MYO9A: variants seen among roughly 807,000 people sequenced by gnomAD.
MYO9A encodes the protein unconventional myosin-IXa.
Under a neutral mutation model 293.3 loss-of-function variants are expected in MYO9A, and 103 were observed. The observed-to-expected ratio is 0.35, with a 90% confidence interval of 0.30 to 0.41. MYO9A has a LOEUF of 0.41. Ranked by LOEUF, MYO9A falls within the 10% of genes least tolerant of loss-of-function variation. The probability of loss-of-function intolerance (pLI) is 1.00; values close to 1 mark genes in which losing one functional copy is unlikely to be tolerated. For missense variants in MYO9A, 2,685 were observed against 3,033.0 expected, an observed-to-expected ratio of 0.89 and a Z score of 2.69; for synonymous variants, 1,001 against 1,035.7, an observed-to-expected ratio of 0.97 and a Z score of 0.64.
At position 72,010,436 on chromosome 15, in the gene MYO9A, C is replaced by T. The variant is rs1286402096; in HGVS notation, c.1167G>A (p.Thr389=). 7.4e-6 allele frequency: 12 copies of T among 1,612,342 alleles called. No homozygotes were observed. The highest frequency in any genetic ancestry group is 6.7e-5 in the Admixed American group (4 of 59,958). The change falls in exon 7 of 42, where the codon ACG becomes ACA. Residue 389 remains threonine (T), a synonymous_variant. Transcript: ENST00000356056. ...YCYDSEPDCF[T]VEGEDLRHDF... ...CATGTCTCAAATCTTCTCCTTCCAC[C>T]GTGAAGCAATCCTGCTTATTTAAAA... is the stretch of plus-strand genomic sequence containing the variant.
chr15:72,007,698 TA>T, intron 8 of MYO9A, 127 bp downstream of exon 8: 1 of 859,206 alleles, frequency 1.2e-6, no homozygotes. Context: ...AAATGCTATT[TA>T]AAAATAGTGC....
intron 11 of MYO9A, among the ~76,000 whole-genome samples, chr15:71,986,637 T>C (rs1317502604): frequency 2.0e-5 from 3 of 152,232 alleles, no homozygotes; most frequent in Non-Finnish European, 4.4e-5. Context: ...TATGTGTCTT[T>C]GCTTTTAACA....
At chr15:71,870,891 G>A (rs2056490310) in intron 32 of MYO9A, among the ~76,000 whole-genome samples, 1 of 151,850 alleles carries the variant, frequency 6.6e-6, no homozygotes, top group South Asian at 2.1e-4. Flanking sequence ...GGATGTGCTG[G>A]GCCAACTGTA....
intron 18 of MYO9A, among the ~76,000 whole-genome samples, chr15:71,931,968 A>G (rs1299545529): frequency 6.7e-6 from 1 of 148,984 alleles, no homozygotes; most frequent in Non-Finnish European, 1.5e-5. Context: ...TAGTACCTCA[A>G]AAGTCTGGCC....
At chr15:72,007,997 C>T (rs376387244) in intron 7 of MYO9A, 45 bp from the exon 8 acceptor site, 15 of 1,568,122 alleles carry the variant, frequency 9.6e-6, no homozygotes, top group Non-Finnish European at 1.3e-5. Context: ...TGTCCATTCC[C>T]AAAGCTCATT....
intron 1 of MYO9A, among the ~76,000 whole-genome samples, chr15:72,091,577 T>A (rs1012221947): frequency 6.6e-6 from 1 of 152,142 alleles, no homozygotes; most frequent in Non-Finnish European, 1.5e-5. Context: ...TGAACTACTC[T>A]CTCTCTCTGA....
At chr15:72,057,829 A>G (rs2149915670) in intron 1 of MYO9A, among the ~76,000 whole-genome samples, 1 of 152,376 alleles carries the variant, frequency 6.6e-6, no homozygotes, top group South Asian at 2.1e-4. Context: ...TTGTGCCTCA[A>G]ATAAGCTAGA....
At chr15:71,893,155 T>C in intron 26 of MYO9A, 1 of 1,282,906 alleles carries the variant, frequency 7.8e-7, no homozygotes, top group Non-Finnish European at 1.0e-6. Context: ...TCGAGCTTTC[T>C]TTTTATGGGC....
intron 10 of MYO9A, among the ~76,000 whole-genome samples, chr15:71,994,085 G>A (rs1322830761): frequency 6.6e-6 from 1 of 151,902 alleles, no homozygotes; most frequent in Admixed American, 6.6e-5. Context: ...TTTAATGGAT[G>A]GATTTATGGT....
intron 15 of MYO9A, among the ~76,000 whole-genome samples, chr15:71,940,583 A>C (rs1210648340): frequency 6.6e-6 from 1 of 152,158 alleles, no homozygotes; most frequent in Non-Finnish European, 1.5e-5. Context: ...CTACATTGAA[A>C]ACTATAAAAC....
At chr15:71,965,599 C>T (rs567527614) in intron 13 of MYO9A, among the ~76,000 whole-genome samples, 2 of 152,134 alleles carry the variant, frequency 1.3e-5, no homozygotes, top group African/African-American at 4.8e-5. Flanking sequence ...TACAAAAATT[C>T]GCTGGGCGTG....
intron 1 of MYO9A, among the ~76,000 whole-genome samples, chr15:72,079,674 A>G (rs1434788367): frequency 6.6e-6 from 1 of 152,182 alleles, no homozygotes; most frequent in Non-Finnish European, 1.5e-5. Flanking sequence ...ATGAAAGGAA[A>G]AGATGGGGGA....
At chr15:71,849,020 T>C in intron 38 of MYO9A, 52 bp from the exon 39 acceptor site, 1 of 1,495,318 alleles carries the variant, frequency 6.7e-7, no homozygotes, top group Middle Eastern at 1.8e-4. Context: ...GTAAATAAAG[T>C]ATAGCACTCA....
chr15:71,921,476 CCTT>C (rs1241326767), intron 18 of MYO9A, among the ~76,000 whole-genome samples: 1 of 152,176 alleles, frequency 6.6e-6, no homozygotes, highest in African/African-American at 2.4e-5. Flanking sequence ...TCCACCCACT[CCTT>C]CTCCCGCACT....
chr15:71,870,776 A>AT (rs1181808909), intron 32 of MYO9A, among the ~76,000 whole-genome samples: 1 of 152,186 alleles, frequency 6.6e-6, no homozygotes, highest in African/African-American at 2.4e-5. Flanking sequence ...ACATCACTTC[A>AT]TTTGTGTGGA....
At chr15:72,037,056 A>G (rs2078070896) in intron 2 of MYO9A, among the ~76,000 whole-genome samples, 1 of 150,350 alleles carries the variant, frequency 6.7e-6, no homozygotes, top group South Asian at 2.1e-4. Flanking sequence ...TTTTTTTGCA[A>G]CAGGGTCTCA....
chr15:71,906,592 TTGTC>T (rs1204695496), intron 19 of MYO9A, among the ~76,000 whole-genome samples: 2 of 152,050 alleles, frequency 1.3e-5, no homozygotes, highest in African/African-American at 4.8e-5. Flanking sequence ...GAAGTCTACT[TTGTC>T]TGACTCTACT....
chr15:72,050,691 G>A (rs921438783), intron 1 of MYO9A, among the ~76,000 whole-genome samples: 1 of 152,128 alleles, frequency 6.6e-6, no homozygotes, highest in Non-Finnish European at 1.5e-5. Context: ...ATAGTTATGA[G>A]TTGAGGAAAT....
chr15:71,940,139 G>T lies in MYO9A; in HGVS notation c.2303-1212C>A, dbSNP rs28428645. Among the ~76,000 whole-genome samples, 861 of 152,278 alleles carry T rather than the reference G, an allele frequency of 5.7e-3. 12 individuals carry two copies. Among genetic ancestry groups the T allele is most frequent in the African/African-American group, 0.02 (815 of 41,554 alleles). ...AACACTATATCCACATGAAGTGATT[G>T]TTATCTTTCTGTATGAATGAGGGAA... is the stretch of plus-strand genomic sequence containing the variant. On this transcript the variant is annotated intron_variant, in intron 15 of 41. Transcript: ENST00000356056.
Sources: gnomAD v4.1 joint callset for allele counts (sites outside exome capture counted in the v4.1 genomes callset) on GRCh38, gnomAD v4.1.1 for gene constraint, MANE v1.5 for transcripts, NCBI Gene and HGNC (gene_info 2026-07-23, HGNC 2026-07-21) for gene names.